Variants in DIAPH3 observed in about 807,000 individuals in gnomAD.
DIAPH3 encodes diaphanous related formin 3, also known as protein diaphanous homolog 3.
Under a neutral mutation model 144.3 loss-of-function variants are expected in DIAPH3, and 117 were observed. The observed-to-expected ratio is 0.81, with a 90% CI of 0.70 to 0.95. The LOEUF (loss-of-function observed/expected upper bound fraction) is 0.95, where lower values mean the gene tolerates loss of function less well. DIAPH3 is among the 40% of genes least tolerant of loss of function. The pLI is 0.00. For missense variants in DIAPH3, 1,421 were observed against 1,412.7 expected (o/e 1.01, Z -0.09); for synonymous variants, 519 against 488.9 (o/e 1.06, Z -0.81).
At chr13:60,083,135 T>C (rs2057618993) in intron 4 of DIAPH3, among the ~76,000 whole-genome samples, 1 of 151,998 alleles carries the variant, frequency 6.6e-6, no homozygotes, top group Non-Finnish European at 1.5e-5. Context: ...CAGATCAAAA[T>C]GACTAGGAGC....
At chr13:59,812,504 T>G (rs2040539451) in intron 24 of DIAPH3, among the ~76,000 whole-genome samples, 1 of 151,968 alleles carries the variant, frequency 6.6e-6, no homozygotes, top group Non-Finnish European at 1.5e-5. Flanking sequence ...GAGGCAGAGA[T>G]AAATAATAAA....
chr13:59,992,105 A>C lies in DIAPH3; in HGVS notation c.1207T>G (p.Leu403Val), dbSNP rs780081516. Residue 403 changes from leucine to valine, a missense_variant, in exon 11 of 28, where the codon TTA becomes GTA. Leu to Val is a conservative substitution (Grantham distance 32). Transcript: ENST00000400324. Reference sequence around the variant, plus strand: ...CTAATATCTTCAAGGCGATGGGATAACTCAAACAAATCTTCTTCTTTATGC... The same window carrying C: ...CTAATATCTTCAAGGCGATGGGATACCTCAAACAAATCTTCTTCTTTATGC... ...DEHKEEDLFE[L>V]SHRLEDIRAE... 1.9e-6 allele frequency: 3 copies of C among 1,612,008 alleles called. No homozygotes were observed. The highest frequency in any genetic ancestry group is 2.2e-5 in the South Asian group (2 of 91,040).
At chr13:60,131,447 A>C (rs1381023791) in intron 2 of DIAPH3, among the ~76,000 whole-genome samples, 1 of 150,354 alleles carries the variant, frequency 6.7e-6, no homozygotes, top group East Asian at 1.9e-4. Flanking sequence ...AAAAAAAAAA[A>C]AAAAAAAAAA....
intron 7 of DIAPH3, chr13:60,013,370 C>G (rs1208346577): frequency 4.5e-6 from 1 of 222,260 alleles, no homozygotes; most frequent in East Asian, 1.8e-4. Context: ...CAGCCACCCA[C>G]AGTGAGTTAA....
intron 4 of DIAPH3, among the ~76,000 whole-genome samples, chr13:60,065,296 T>C (rs1288676732): frequency 9.4e-6 from 1 of 106,490 alleles, no homozygotes; most frequent in Non-Finnish European, 2.0e-5. Context: ...CAAAGACCAA[T>C]AAAGCAAGGC....
intron 25 of DIAPH3, among the ~76,000 whole-genome samples, chr13:59,787,857 T>A (rs2039118795): frequency 6.6e-6 from 1 of 152,178 alleles, no homozygotes; most frequent in Admixed American, 6.5e-5. Context: ...AGAGCCTTTG[T>A]TAATGAGATT....
intron 11 of DIAPH3, among the ~76,000 whole-genome samples, chr13:59,991,668 A>C (rs1594252356): frequency 6.6e-6 from 1 of 152,078 alleles, no homozygotes; most frequent in South Asian, 2.1e-4. Flanking sequence ...TCTCATGAGG[A>C]GCACAGACGT....
At chr13:59,679,848 T>A (rs1215431646) in intron 27 of DIAPH3, among the ~76,000 whole-genome samples, 1 of 151,990 alleles carries the variant, frequency 6.6e-6, no homozygotes, top group Middle Eastern at 3.2e-3. Context: ...ATAAATTACA[T>A]CAAGTATTAC....
At chr13:59,932,898 T>C (rs1025035647) in intron 17 of DIAPH3, among the ~76,000 whole-genome samples, 15 of 152,196 alleles carry the variant, frequency 9.9e-5, no homozygotes, top group African/African-American at 3.4e-4. Flanking sequence ...GAGTCTATTA[T>C]ACAAAAAGAT....
At chr13:60,002,395 C>A (rs1162833764) in intron 9 of DIAPH3, among the ~76,000 whole-genome samples, 1 of 152,214 alleles carries the variant, frequency 6.6e-6, no homozygotes. Context: ...CTCAAGGTTT[C>A]TCTCCTAAAA....
At chr13:59,725,254 T>C (rs1168403785) in intron 27 of DIAPH3, among the ~76,000 whole-genome samples, 1 of 152,170 alleles carries the variant, frequency 6.6e-6, no homozygotes, top group East Asian at 1.9e-4. Context: ...GAAGACTTAG[T>C]CTGTAGATAT....
intron 5 of DIAPH3, among the ~76,000 whole-genome samples, chr13:60,029,718 T>C (rs1280033505): frequency 6.6e-6 from 1 of 152,170 alleles, no homozygotes; most frequent in African/African-American, 2.4e-5. Context: ...CCTCTTTCCT[T>C]TATAAATTAC....
chr13:60,160,391 A>C (rs1439811693), intron 1 of DIAPH3, among the ~76,000 whole-genome samples: 2 of 152,244 alleles, frequency 1.3e-5, no homozygotes, highest in Non-Finnish European at 2.9e-5. Flanking sequence ...GAACTCCTTC[A>C]TCAACTTGGA....
intron 4 of DIAPH3, among the ~76,000 whole-genome samples, chr13:60,078,661 TAA>T (rs2057452845): frequency 6.6e-6 from 1 of 152,026 alleles, no homozygotes; most frequent in Non-Finnish European, 1.5e-5. Context: ...CAAACTGATT[TAA>T]GAGGCAAAAT....
chr13:59,992,264 AAACC>A (rs1374239180), intron 10 of DIAPH3, 78 bp from the exon 11 acceptor site: 7 of 1,249,420 alleles, frequency 5.6e-6, no homozygotes, highest in Admixed American at 2.0e-5. Flanking sequence ...TATAAACAAT[AAACC>A]AACCATTCAA....
intron 4 of DIAPH3, among the ~76,000 whole-genome samples, chr13:60,050,255 G>C (rs2056273631): frequency 6.6e-6 from 1 of 152,166 alleles, no homozygotes; most frequent in South Asian, 2.1e-4. Flanking sequence ...ATGAAGAGGA[G>C]AGGACATGGG....
intron 21 of DIAPH3, among the ~76,000 whole-genome samples, chr13:59,870,812 A>G (rs1037540445): frequency 7.2e-5 from 11 of 152,144 alleles, no homozygotes; most frequent in Admixed American, 5.9e-4. Flanking sequence ...CTGGGATTAC[A>G]AGCATGTGCC....
At chr13:59,922,465 T>A (rs1037472669) in intron 18 of DIAPH3, among the ~76,000 whole-genome samples, 16 of 152,036 alleles carry the variant, frequency 1.1e-4, no homozygotes, top group Non-Finnish European at 2.4e-4. Context: ...CCCATAATAT[T>A]CTCTTCAATG....
chr13:59,886,157 T>A (rs544357263), intron 20 of DIAPH3, among the ~76,000 whole-genome samples: 1 of 152,278 alleles, frequency 6.6e-6, no homozygotes, highest in Non-Finnish European at 1.5e-5. Flanking sequence ...ATTCTAGTTA[T>A]CTTTTATCTT....
Sources: gnomAD v4.1 joint callset for allele counts (sites outside exome capture counted in the v4.1 genomes callset) on GRCh38, gnomAD v4.1.1 for gene constraint, MANE v1.5 for transcripts, NCBI Gene and HGNC (gene_info 2026-07-23, HGNC 2026-07-21) for gene names.